The following HTR7 variants were observed in gnomAD, a reference collection of about 807,000 sequenced individuals.
HTR7 encodes the protein 5-hydroxytryptamine receptor 7, also known as 5-HT-7.
In HTR7, 16 loss-of-function variants were observed where a neutral mutation model predicts 34.0. That is an observed-to-expected ratio of 0.47 (90% CI 0.32 to 0.71). The LOEUF (loss-of-function observed/expected upper bound fraction) is 0.71. Ranked by LOEUF, HTR7 falls within the 30% of genes least tolerant of loss-of-function variation. The pLI is 0.04. For missense variants in HTR7, 504 were observed against 625.5 expected (o/e 0.81, Z 2.07); for synonymous variants, 265 against 260.2 (o/e 1.02, Z -0.18).
At chr10:90,748,319 TGC>T (rs1844671398) in intron 2 of HTR7, among the ~76,000 whole-genome samples, 1 of 152,096 alleles carries the variant, frequency 6.6e-6, no homozygotes, top group Non-Finnish European at 1.5e-5. Context: ...TTTAAGACCT[TGC>T]CTCATCCTGG....
At chr10:90,846,119 G>T (rs1486097450) in intron 1 of HTR7, among the ~76,000 whole-genome samples, 1 of 152,160 alleles carries the variant, frequency 6.6e-6, no homozygotes, top group African/African-American at 2.4e-5. Context: ...TGAAATATGT[G>T]CATATACATA....
At position 90,815,408 on chromosome 10, in the gene HTR7, G is replaced by C. The variant is rs72810808; in HGVS notation, c.539+41725C>G. ...TGTTTAAACAGGCATTTTCTAAAGT[G>C]ATTGTGTCTTCTTTACCTAAATGTT... On this transcript the variant is annotated intron_variant, in intron 1 of 3. Transcript: ENST00000336152. Among the ~76,000 whole-genome samples the C allele has an allele frequency of 8.9e-3, 1,357 of 152,298 alleles. 13 individuals carry two copies. The highest frequency in any genetic ancestry group is 0.014 in the Non-Finnish European group (925 of 68,032).
At chr10:90,744,764 T>C (rs1271714268) in intron 2 of HTR7, among the ~76,000 whole-genome samples, 1 of 152,148 alleles carries the variant, frequency 6.6e-6, no homozygotes, top group African/African-American at 2.4e-5. Flanking sequence ...AAGAACCATT[T>C]GTCAATATTA....
At chr10:90,845,812 C>T (rs1846406898) in intron 1 of HTR7, among the ~76,000 whole-genome samples, 1 of 152,176 alleles carries the variant, frequency 6.6e-6, no homozygotes, top group South Asian at 2.1e-4. Context: ...GGATGGCCAC[C>T]CTTGGTGCCC....
chr10:90,807,848 C>G (rs1311610134), intron 1 of HTR7, among the ~76,000 whole-genome samples: 3 of 152,200 alleles, frequency 2.0e-5, no homozygotes, highest in African/African-American at 7.2e-5. Context: ...GTCCTCAGAC[C>G]CACCAGCCCA....
At chr10:90,808,419 G>A (rs559092550) in intron 1 of HTR7, among the ~76,000 whole-genome samples, 15 of 152,004 alleles carry the variant, frequency 9.9e-5, no homozygotes, top group East Asian at 3.9e-4. Context: ...CATCCTTAGC[G>A]GCAAGTCCTG....
chr10:90,757,082 A>T (rs1844844396), intron 1 of HTR7, among the ~76,000 whole-genome samples: 1 of 152,214 alleles, frequency 6.6e-6, no homozygotes, highest in East Asian at 1.9e-4. Flanking sequence ...ATTTATCAGC[A>T]ATAATAAAAG....
intron 1 of HTR7, among the ~76,000 whole-genome samples, chr10:90,813,696 A>C (rs1431198316): frequency 1.3e-5 from 2 of 152,210 alleles, no homozygotes; most frequent in African/African-American, 4.8e-5. Context: ...GAATGCCAGC[A>C]GCTGTGCCAA....
chr10:90,746,682 G>T (rs1036767781), intron 2 of HTR7, among the ~76,000 whole-genome samples: 2 of 152,158 alleles, frequency 1.3e-5, no homozygotes, highest in Non-Finnish European at 2.9e-5. Flanking sequence ...ATCAAGACTA[G>T]TTTGCTCATT....
rs1208129634 is a variant in HTR7, at chr10:90,741,086, A to G, written c.*1396T>C. 6.6e-6 allele frequency: 1 copy of G among 152,636 alleles called. No individual in the cohort carries two copies. The highest frequency in any genetic ancestry group is 1.5e-5 in the Non-Finnish European group (1 of 68,032). The allele number at this position is 152,636 out of a possible 1,614,324, so 9.5% of individuals were successfully genotyped here. ...GTAAGAAGCAATGTCAATGGGAGTT[A>G]GAAGAAGTCCATAATCCATGTCAGA... On this transcript the variant is annotated 3_prime_UTR_variant, in exon 4 of 4. Coordinates refer to ENST00000336152, the MANE Select transcript of HTR7 (RefSeq NM_019859.4).
chr10:90,744,178 T>C (rs527655363), intron 2 of HTR7, among the ~76,000 whole-genome samples: 5 of 151,162 alleles, frequency 3.3e-5, no homozygotes, highest in Admixed American at 2.0e-4. Context: ...GGCCACAAGA[T>C]GAGTGAGAGC....
Position 90,766,100 on chromosome 10 carries a change from A to G in HTR7, c.540-16506T>C, listed in dbSNP as rs568117645. Among the ~76,000 whole-genome samples, 10 of 152,198 alleles carry G rather than the reference A, an allele frequency of 6.6e-5. No individual in the cohort carries two copies. The South Asian group carries it at 1.9e-3, about 28-fold the overall frequency. On this transcript the variant is annotated intron_variant, in intron 1 of 3. Transcript: ENST00000336152. ...GATATTATGCTTGGATGATTTATTC[A>G]TTGTTGAGAGTAGGATATTTAAGTC...
At chr10:90,803,939 T>C (rs1014021716) in intron 1 of HTR7, among the ~76,000 whole-genome samples, 14 of 151,978 alleles carry the variant, frequency 9.2e-5, no homozygotes, top group African/African-American at 3.4e-4. Context: ...CACCGAGTGT[T>C]GCTTTTTCCA....
intron 1 of HTR7, among the ~76,000 whole-genome samples, chr10:90,752,625 T>G (rs1170280720): frequency 1.3e-5 from 2 of 151,490 alleles, no homozygotes; most frequent in Non-Finnish European, 2.9e-5. Flanking sequence ...TAAAAAAAAG[T>G]ATAAAGCCAC....
At chr10:90,787,043 G>A (rs531798102) in intron 1 of HTR7, among the ~76,000 whole-genome samples, 42 of 152,314 alleles carry the variant, frequency 2.8e-4, no homozygotes, top group Middle Eastern at 3.4e-3. Context: ...AAACTAGAAA[G>A]CTTCTGAGCT....
chr10:90,850,637 GA>G (rs1185023012), intron 1 of HTR7, among the ~76,000 whole-genome samples: 1 of 152,054 alleles, frequency 6.6e-6, no homozygotes, highest in Non-Finnish European at 1.5e-5. Context: ...AATATAACAA[GA>G]TGAAGAAATT....
At chr10:90,825,035 A>T (rs1473818624) in intron 1 of HTR7, among the ~76,000 whole-genome samples, 1 of 152,228 alleles carries the variant, frequency 6.6e-6, no homozygotes. Flanking sequence ...GGCAAGACTC[A>T]GTGTTTTGAC....
At chr10:90,745,898 A>G (rs1315490330) in intron 2 of HTR7, among the ~76,000 whole-genome samples, 1 of 152,238 alleles carries the variant, frequency 6.6e-6, no homozygotes, top group Non-Finnish European at 1.5e-5. Context: ...CTTCACAGTT[A>G]AAGTTTGCTG....
chr10:90,782,156 C>T (rs137978804), intron 1 of HTR7, among the ~76,000 whole-genome samples: 20 of 152,224 alleles, frequency 1.3e-4, no homozygotes, highest in Non-Finnish European at 2.4e-4. Flanking sequence ...CAGACATGGG[C>T]GAGAGACTGC....
Sources: gnomAD v4.1 joint callset for allele counts (sites outside exome capture counted in the v4.1 genomes callset) on GRCh38, gnomAD v4.1.1 for gene constraint, MANE v1.5 for transcripts, NCBI Gene and HGNC (gene_info 2026-07-23, HGNC 2026-07-21) for gene names.